MYOM2: variants seen among roughly 807,000 people sequenced by gnomAD.
The protein encoded by MYOM2 is myomesin-2.
In MYOM2, 254 loss-of-function variants were observed where a neutral mutation model predicts 187.6. That is an observed-to-expected ratio of 1.35 (90% CI 1.22 to 1.50). MYOM2 has a LOEUF of 1.50. MYOM2 is among the 40% of genes most tolerant of loss of function. The pLI, the probability that MYOM2 is intolerant of heterozygous loss-of-function variation, is 0.00. For missense variants in MYOM2, 2,796 were observed against 1,924.0 expected (o/e 1.45, Z -8.48); for synonymous variants, 981 against 753.8 (o/e 1.30, Z -4.94).
intron 18 of MYOM2, among the ~76,000 whole-genome samples, chr8:2,098,318 G>A (rs563973065): frequency 8.5e-5 from 13 of 152,284 alleles, no homozygotes; most frequent in African/African-American, 2.9e-4. Context: ...GCCAGGCAGC[G>A]TCCCTGAGGG....
chr8:2,085,527 T>TGATCTCTGTGTGGCCCCTCACTGTC, intron 14 of MYOM2, 137 bp downstream of exon 14: 1 of 254,008 alleles, frequency 3.9e-6, no homozygotes, highest in Non-Finnish European at 6.0e-6. Flanking sequence ...CCCCCACTGT[T>TGATCTCTGTGTGGCCCCTCACTGTC]GTGATCTCTG....
In MYOM2 at chr8:2,072,494, G is replaced by A. The variant is rs757003110; in HGVS notation, c.943G>A (p.Glu315Lys). 29 of 1,613,264 alleles carry A rather than the reference G, an allele frequency of 1.8e-5. 1 individual carries two copies. The South Asian group carries it at 2.0e-4, about 11-fold the overall frequency. Residue 315 changes from glutamate (E) to lysine (K), a missense_variant, in exon 9 of 37, where the codon GAG becomes AAG. Physicochemically the swap from Glu to Lys is moderately conservative, Grantham distance 56. Coordinates refer to ENST00000262113, the MANE Select transcript of MYOM2 (RefSeq NM_003970.4). ...CCTGAAGCGGGTGCAGCCGCGCGCC[G>A]AGTGGTACCGCGATGGTGAGTAGGA... ...PDLKRVQPRA[E>K]WYRDDVLLKE... is the part of the protein sequence containing the mutation.
chr8:2,127,328 G>C (rs553956640), intron 31 of MYOM2, among the ~76,000 whole-genome samples: 86 of 151,780 alleles, frequency 5.7e-4, no homozygotes, highest in African/African-American at 2.0e-3. Context: ...TAACCCTCCT[G>C]TCTGCAGCCG....
chr8:2,067,811 A>G (rs1819066745), intron 6 of MYOM2, among the ~76,000 whole-genome samples: 1 of 152,186 alleles, frequency 6.6e-6, no homozygotes. Flanking sequence ...GTGGAGTCCA[A>G]CTCAGACATT....
At chr8:2,099,067 C>G in intron 19 of MYOM2, 84 bp downstream of exon 19, 1 of 1,456,422 alleles carries the variant, frequency 6.9e-7, no homozygotes. Flanking sequence ...TCTGGACTCG[C>G]CAGCCTTCAC....
rs1220891042 is a variant in MYOM2 at position 2,120,675 on chromosome 8, T to TATATATATA, written c.3454-2577_3454-2576insATATATATA. On this transcript the variant is annotated intron_variant, in intron 28 of 36. Transcript: ENST00000262113. Reference sequence around the variant, plus strand: ...GATTTCCTGTATATATATATATATATTATATTATATATAAATATATAATAT... The same window carrying TATATATATA: ...GATTTCCTGTATATATATATATATATATATATATATATATTATATATAAATATATAATAT... 3.9e-4 allele frequency among the ~76,000 whole-genome samples: 16 copies of TATATATATA among 41,420 alleles called. 1 individual carries two copies. Among genetic ancestry groups the TATATATATA allele is most frequent in the Non-Finnish European group, 7.2e-4 (14 of 19,400 alleles). The allele number at this position is 41,420 out of a possible 152,430, so 27.2% of individuals were successfully genotyped here. A position where few individuals can be genotyped will look rare whatever the true frequency, so the allele number is the denominator to read the frequency against.
rs1346730343 is a variant in MYOM2, at chr8:2,078,716, T to C, written c.1263-18T>C. On this transcript the variant is annotated intron_variant, in intron 11 of 36. Coordinates refer to ENST00000262113, the MANE Select transcript of MYOM2 (RefSeq NM_003970.4). ...CACATTTGCTATTCTCTGTTGTTTT[T>C]CTTTTTTTAACTTGAAGATGTGAAG... 3 of 1,613,534 alleles carry C rather than the reference T, an allele frequency of 1.9e-6. No individual in the cohort carries two copies. The highest frequency in any genetic ancestry group is 2.5e-6 in the Non-Finnish European group (3 of 1,179,684).
intron 13 of MYOM2, among the ~76,000 whole-genome samples, chr8:2,084,513 G>A (rs1193316702): frequency 6.6e-6 from 1 of 152,094 alleles, no homozygotes; most frequent in Non-Finnish European, 1.5e-5. Context: ...ACAATTTCAA[G>A]AACTGTGGGT....
At chr8:2,089,676 T>C (rs1796227153) in intron 14 of MYOM2, among the ~76,000 whole-genome samples, 1 of 152,200 alleles carries the variant, frequency 6.6e-6, no homozygotes, top group Admixed American at 6.5e-5. Flanking sequence ...TTCTAAATTA[T>C]CTTTCATTAT....
At chr8:2,100,849 G>C (rs1202645858) in intron 19 of MYOM2, 27 bp from the exon 20 acceptor site, 2 of 1,613,222 alleles carry the variant, frequency 1.2e-6, no homozygotes, top group Admixed American at 3.3e-5. Flanking sequence ...TATGCGCGCA[G>C]AAACAAGGTG....
At chr8:2,112,310 A>G (rs187197348) in intron 25 of MYOM2, among the ~76,000 whole-genome samples, 5 of 148,872 alleles carry the variant, frequency 3.4e-5, no homozygotes, top group Non-Finnish European at 7.5e-5. Context: ...GAGAAGGCAG[A>G]GAGTTGAAGA....
At chr8:2,045,585 A>AT (rs750732465) in intron 1 of MYOM2, among the ~76,000 whole-genome samples, 12 of 152,158 alleles carry the variant, frequency 7.9e-5, no homozygotes, top group African/African-American at 1.9e-4. Context: ...AAAACTGGAT[A>AT]TTTTCTTAAG....
Position 2,089,901 on chromosome 8 carries a change from G to A in MYOM2, c.1645-107G>A, listed in dbSNP as rs77757572. On this transcript the variant is annotated intron_variant, in intron 14 of 36. Coordinates refer to ENST00000262113, the MANE Select transcript of MYOM2 (RefSeq NM_003970.4). ...TTTGTGTGCGAGACGCAGCGGGCGC[G>A]CCTGGTGGTCCTGGGATAGCGAGAA... is the stretch of plus-strand genomic sequence containing the variant. 5,151 of 1,007,920 alleles carry A rather than the reference G, an allele frequency of 5.1e-3. 192 individuals are homozygous for A. The African/African-American group carries it at 0.078, about 15-fold the overall frequency. The allele number at this position is 1,007,920 out of a possible 1,614,324, so 62.4% of individuals were successfully genotyped here.
intron 11 of MYOM2, 174 bp downstream of exon 11, chr8:2,076,456 C>G (rs942720927): frequency 6.0e-6 from 5 of 831,074 alleles, no homozygotes; most frequent in Non-Finnish European, 8.9e-6. Flanking sequence ...TAAATACGGC[C>G]AAGTAGGCTG....
chr8:2,083,251 C>A (rs139552405), intron 13 of MYOM2, among the ~76,000 whole-genome samples: 69 of 151,942 alleles, frequency 4.5e-4, no homozygotes, highest in African/African-American at 1.6e-3. Context: ...AGGGCAGCAT[C>A]AGTGCCCTGG....
At position 2,123,644 on chromosome 8, in the gene MYOM2, TA is replaced by T. The variant is rs1367706146; in HGVS notation, c.3655+6del. 1.2e-6 allele frequency: 2 copies of T among 1,613,404 alleles called. No individual in the cohort carries two copies. The highest frequency in any genetic ancestry group is 1.7e-6 in the Non-Finnish European group (2 of 1,179,374). On this transcript the variant is annotated splice_donor_region_variant and intron_variant, in intron 30 of 36. Transcript: ENST00000262113. ...CCATCCTTGAAATAGCTGGCAAAGG[TA>T]AAAGAAAACCTCCTTTGTTCTGTGA... is the stretch of plus-strand genomic sequence containing the variant.
intron 16 of MYOM2, among the ~76,000 whole-genome samples, chr8:2,093,586 C>A (rs886292702): frequency 3.9e-5 from 6 of 152,246 alleles, no homozygotes. Flanking sequence ...CCTAGTCCAT[C>A]TGACTTCCAA....
At chr8:2,073,150 G>C (rs1027771058) in intron 9 of MYOM2, among the ~76,000 whole-genome samples, 189 bp from the exon 10 acceptor site, 3 of 152,206 alleles carry the variant, frequency 2.0e-5, no homozygotes, top group Admixed American at 1.3e-4. Flanking sequence ...CTGGGCTGTG[G>C]GTGCTCAGTT....
intron 3 of MYOM2, 56 bp from the exon 4 acceptor site, chr8:2,057,292 G>A (rs1818697755): frequency 1.9e-6 from 3 of 1,557,104 alleles, no homozygotes; most frequent in East Asian, 2.3e-5. Context: ...GCCTTCGGGG[G>A]CCACGTGGTT....
Sources: allele counts gnomAD v4.1 joint callset (sites outside exome capture counted in the v4.1 genomes callset), GRCh38; gene constraint gnomAD v4.1.1; transcripts MANE v1.5; gene names NCBI Gene and HGNC (gene_info 2026-07-23, HGNC 2026-07-21).